The following RNF150 variants were observed in gnomAD, a reference collection of about 807,000 sequenced individuals.
RNF150 encodes ring finger protein 150.
Under a neutral mutation model 39.3 loss-of-function variants are expected in RNF150, and 24 were observed. The ratio of observed to expected loss-of-function variants is 0.61; its 90% confidence interval spans 0.44 to 0.86. The LOEUF is 0.86. Ranked by LOEUF, RNF150 falls within the 40% of genes least tolerant of loss-of-function variation. The pLI, the probability that RNF150 is intolerant of heterozygous loss-of-function variation, is 0.00. For synonymous variants in RNF150, 255 were observed against 227.3 expected (o/e 1.12, Z -1.10); for missense variants, 502 against 587.8 (o/e 0.85, Z 1.51).
intron 2 of RNF150, among the ~76,000 whole-genome samples, chr4:140,952,148 T>C (rs1732565624): frequency 6.6e-6 from 1 of 151,930 alleles, no homozygotes; most frequent in South Asian, 2.1e-4. Context: ...GTAGCTGGGA[T>C]TACAGGTGCC....
At chr4:141,189,873 T>C (rs767084225) in intron 1 of RNF150, among the ~76,000 whole-genome samples, 8 of 152,196 alleles carry the variant, frequency 5.3e-5, no homozygotes, top group Non-Finnish European at 1.2e-4. Flanking sequence ...ACCACTTGGC[T>C]CCCTGGCTTC....
At chr4:141,122,791 A>G (rs1299587229) in intron 1 of RNF150, among the ~76,000 whole-genome samples, 1 of 152,222 alleles carries the variant, frequency 6.6e-6, no homozygotes, top group Non-Finnish European at 1.5e-5. Flanking sequence ...TAGAGTGTGG[A>G]TGGTTCTTAC....
chr4:140,880,219 T>C (rs995961693), intron 6 of RNF150, among the ~76,000 whole-genome samples: 1 of 152,238 alleles, frequency 6.6e-6, no homozygotes, highest in Admixed American at 6.5e-5. Context: ...ATGTTGAATT[T>C]TTTCAAATGC....
chr4:141,145,858 T>C (rs1267099488), intron 1 of RNF150, among the ~76,000 whole-genome samples: 1 of 152,206 alleles, frequency 6.6e-6, no homozygotes, highest in African/African-American at 2.4e-5. Flanking sequence ...CCCACTTTTA[T>C]ATCTTGTGCA....
At chr4:140,942,477 C>T (rs1003967651) in intron 4 of RNF150, among the ~76,000 whole-genome samples, 1 of 152,216 alleles carries the variant, frequency 6.6e-6, no homozygotes, top group Non-Finnish European at 1.5e-5. Context: ...GATTTAACCA[C>T]CTCCCCCTGT....
At chr4:141,028,442 T>TAA (rs991195158) in intron 1 of RNF150, among the ~76,000 whole-genome samples, 2 of 152,186 alleles carry the variant, frequency 1.3e-5, no homozygotes, top group African/African-American at 4.8e-5. Context: ...TAAAAAAGAA[T>TAA]AAAAGCCTGT....
chr4:140,955,790 C>T (rs1732724648), intron 2 of RNF150, among the ~76,000 whole-genome samples: 2 of 152,176 alleles, frequency 1.3e-5, no homozygotes, highest in South Asian at 2.1e-4. Flanking sequence ...AAACTCCTTT[C>T]CTTTCTGTTT....
intron 6 of RNF150, 55 bp from the exon 7 acceptor site, chr4:140,868,434 G>A: frequency 1.1e-6 from 1 of 933,122 alleles, no homozygotes; most frequent in Admixed American, 1.7e-5. Flanking sequence ...TTTGCATGCT[G>A]CTTATTTCAG....
At chr4:140,911,455 TTTA>T in intron 5 of RNF150, 101 bp from the exon 6 acceptor site, 1 of 944,206 alleles carries the variant, frequency 1.1e-6, no homozygotes, top group Non-Finnish European at 1.6e-6. Flanking sequence ...AATTAAGTTC[TTTA>T]TTGTTTACTT....
chr4:141,120,295 G>C (rs954469140), intron 1 of RNF150, among the ~76,000 whole-genome samples: 1 of 152,148 alleles, frequency 6.6e-6, no homozygotes, highest in Non-Finnish European at 1.5e-5. Flanking sequence ...ACTGACAAAG[G>C]GGGTAAAGGG....
rs114097823 is a variant in RNF150 at position 141,097,967 on chromosome 4, C to A, written c.484+34358G>T. Among the ~76,000 whole-genome samples the A allele has an allele frequency of 9.1e-3, 1,388 of 152,202 alleles. 17 individuals are homozygous for A. The highest frequency in any genetic ancestry group is 0.031 in the African/African-American group (1,306 of 41,502). ...GCTGCCAGTGAATTCAAATTTTACCCATCTCCTTCAGATGCCCCCCTCCCT... is the reference window on the plus strand; with the variant it reads ...GCTGCCAGTGAATTCAAATTTTACCAATCTCCTTCAGATGCCCCCCTCCCT... On this transcript the variant is annotated intron_variant, in intron 1 of 6. Transcript: ENST00000515673.
At chr4:140,987,367 T>C (rs982336392) in intron 1 of RNF150, among the ~76,000 whole-genome samples, 7 of 152,130 alleles carry the variant, frequency 4.6e-5, no homozygotes, top group African/African-American at 1.7e-4. Context: ...CTTCAAGCTA[T>C]ACTACAAGGT....
intron 6 of RNF150, among the ~76,000 whole-genome samples, chr4:140,881,606 G>C (rs934351126): frequency 2.0e-5 from 3 of 151,942 alleles, no homozygotes; most frequent in African/African-American, 7.2e-5. Context: ...TGGGCATGGG[G>C]GCTCATGCCT....
chr4:140,894,092 T>C (rs549863846), intron 6 of RNF150, among the ~76,000 whole-genome samples: 41 of 152,326 alleles, frequency 2.7e-4, no homozygotes, highest in South Asian at 2.1e-4. Flanking sequence ...TAGACAAAGC[T>C]TTTAGTAGAT....
At chr4:141,126,632 G>A (rs1726762571) in intron 1 of RNF150, among the ~76,000 whole-genome samples, 1 of 152,136 alleles carries the variant, frequency 6.6e-6, no homozygotes, top group Non-Finnish European at 1.5e-5. Flanking sequence ...GAGGGCACAT[G>A]GGAACAGTCA....
intron 6 of RNF150, among the ~76,000 whole-genome samples, chr4:140,878,671 T>C (rs745364783): frequency 2.0e-5 from 3 of 152,202 alleles, no homozygotes; most frequent in Non-Finnish European, 2.9e-5. Context: ...TTATCAAATA[T>C]ATGGTTTGCA....
chr4:141,166,406 T>A (rs559816441), intron 1 of RNF150, among the ~76,000 whole-genome samples: 1 of 152,206 alleles, frequency 6.6e-6, no homozygotes, highest in Non-Finnish European at 1.5e-5. Context: ...TTGGAAACTA[T>A]TCCAAACAAT....
At chr4:141,078,789 CAAAAA>C (rs150748282) in intron 1 of RNF150, among the ~76,000 whole-genome samples, 9 of 63,862 alleles carry the variant, frequency 1.4e-4, no homozygotes, top group South Asian at 7.3e-4. Flanking sequence ...AACTCCGTCT[CAAAAA>C]AAAAAAAAAA....
intron 1 of RNF150, among the ~76,000 whole-genome samples, chr4:141,174,000 T>C (rs185349954): frequency 6.6e-6 from 1 of 152,308 alleles, no homozygotes; most frequent in East Asian, 1.9e-4. Context: ...GTGAGAATGT[T>C]TGTACATTTT....
Sources: gnomAD v4.1 joint callset for allele counts (sites outside exome capture counted in the v4.1 genomes callset) on GRCh38, gnomAD v4.1.1 for gene constraint, MANE v1.5 for transcripts, NCBI Gene and HGNC (gene_info 2026-07-23, HGNC 2026-07-21) for gene names.